KATNAL1: variants seen among roughly 807,000 people sequenced by gnomAD.
The protein encoded by KATNAL1 is katanin p60 ATPase-containing subunit A-like 1.
In KATNAL1, 32 loss-of-function variants were observed where a neutral mutation model predicts 55.2. The ratio of observed to expected loss-of-function variants is 0.58; its 90% confidence interval spans 0.44 to 0.78. KATNAL1 has a LOEUF of 0.78. Ranked by LOEUF, KATNAL1 falls within the 30% of genes least tolerant of loss-of-function variation. The pLI is 0.00. For synonymous variants in KATNAL1, 193 were observed against 193.6 expected (o/e 1.00, Z 0.02); for missense variants, 466 against 600.9 (o/e 0.78, Z 2.35).
At chr13:30,228,173 T>A (rs1875700200) in intron 8 of KATNAL1, among the ~76,000 whole-genome samples, 1 of 152,108 alleles carries the variant, frequency 6.6e-6, no homozygotes, top group South Asian at 2.1e-4. Flanking sequence ...AATTAAAATT[T>A]TAGAATAAAA....
rs1286238711 is a variant in KATNAL1 at position 30,207,034 on chromosome 13, T to A, written c.*1506A>T. 1.3e-5 allele frequency: 2 copies of A among 152,180 alleles called. No homozygotes were observed. Among genetic ancestry groups the A allele is most frequent in the African/African-American group, 4.8e-5 (2 of 41,456 alleles). The allele number at this position is 152,180 out of a possible 1,614,324, so 9.4% of individuals were successfully genotyped here. A position where few individuals can be genotyped will look rare whatever the true frequency, so the allele number is the denominator to read the frequency against. On this transcript the variant is annotated 3_prime_UTR_variant, in exon 11 of 11. Transcript: ENST00000380615. ...TACAGTTTTTAGCAGGGAAAAATAA[T>A]CAAATCTCTTTTTTTAAAAAAAACC...
chr13:30,245,909 A>G (rs763277863), intron 4 of KATNAL1, among the ~76,000 whole-genome samples: 2 of 152,206 alleles, frequency 1.3e-5, no homozygotes, highest in African/African-American at 4.8e-5. Context: ...GACGCAAACT[A>G]ATGGAAAAAC....
intron 1 of KATNAL1, among the ~76,000 whole-genome samples, chr13:30,291,735 A>G (rs1051283389): frequency 6.6e-6 from 1 of 152,162 alleles, no homozygotes; most frequent in Non-Finnish European, 1.5e-5. Context: ...AAAATTTACT[A>G]TAAAGTTACA....
chr13:30,252,032 A>AT (rs2137453784), intron 4 of KATNAL1, among the ~76,000 whole-genome samples: 1 of 152,370 alleles, frequency 6.6e-6, no homozygotes, highest in East Asian at 1.9e-4. Flanking sequence ...ATAAACTCGT[A>AT]TTATTATAAG....
At chr13:30,274,796 G>C (rs1880629357) in intron 3 of KATNAL1, among the ~76,000 whole-genome samples, 1 of 152,104 alleles carries the variant, frequency 6.6e-6, no homozygotes, top group Non-Finnish European at 1.5e-5. Flanking sequence ...TACTGTAATA[G>C]CCAAATATGG....
intron 6 of KATNAL1, among the ~76,000 whole-genome samples, chr13:30,232,990 T>TA (rs1394323394): frequency 6.6e-6 from 1 of 151,996 alleles, no homozygotes; most frequent in African/African-American, 2.4e-5. Context: ...CAAAATAGGT[T>TA]AAAAACCTCA....
chr13:30,241,729 TA>T (rs749175854), intron 4 of KATNAL1, among the ~76,000 whole-genome samples: 18 of 152,244 alleles, frequency 1.2e-4, no homozygotes, highest in Admixed American at 2.6e-4. Flanking sequence ...GTCAATCTCC[TA>T]AACTTCAACC....
At chr13:30,250,230 T>C (rs1878172216) in intron 4 of KATNAL1, among the ~76,000 whole-genome samples, 1 of 152,180 alleles carries the variant, frequency 6.6e-6, no homozygotes, top group South Asian at 2.1e-4. Context: ...AGAAAAGTAA[T>C]GGGGAAAATG....
intron 8 of KATNAL1, among the ~76,000 whole-genome samples, chr13:30,229,492 A>T (rs1046417851): frequency 1.3e-5 from 2 of 152,146 alleles, no homozygotes; most frequent in Non-Finnish European, 2.9e-5. Flanking sequence ...GGCTGAGTCC[A>T]GAGGATCATC....
Position 30,253,967 on chromosome 13 carries a change from G to C in KATNAL1, c.492+1480C>G, listed in dbSNP as rs563065607. 1.3e-3 allele frequency among the ~76,000 whole-genome samples: 194 copies of C among 152,256 alleles called. 4 individuals are homozygous for C. Among genetic ancestry groups the C allele is most frequent in the Non-Finnish European group, 2.9e-4 (20 of 68,016 alleles). On this transcript the variant is annotated intron_variant, in intron 4 of 10. Transcript: ENST00000380615. The stretch of plus-strand genomic sequence containing the variant: ...CACAGTTTCTTCATCTGTAAAGTCG[G>C]GATAGTAAGACACCTACTTCACGGG...
chr13:30,283,284 AAAAAAAAG>A (rs1467982498), intron 2 of KATNAL1, among the ~76,000 whole-genome samples: 14 of 150,038 alleles, frequency 9.3e-5, no homozygotes, highest in African/African-American at 2.2e-4. Context: ...AAAAAAAAAA[AAAAAAAAG>A]GAATGAATGA....
chr13:30,285,569 T>C (rs1254924094), intron 1 of KATNAL1, among the ~76,000 whole-genome samples: 23 of 152,328 alleles, frequency 1.5e-4, no homozygotes, highest in Non-Finnish European at 1.5e-5. Context: ...CTCTTTTCTT[T>C]ATAAATTACC....
chr13:30,299,009 A>G lies in KATNAL1; in HGVS notation c.-15+8322T>C, dbSNP rs139835935. ...ACCTAGAGACAAGGTAGTAAGACTG[A>G]AGAACATTTAAAACAGAAAGAAATG... On this transcript the variant is annotated intron_variant, in intron 1 of 10. Transcript: ENST00000380615. 8.6e-3 allele frequency among the ~76,000 whole-genome samples: 1,308 copies of G among 152,322 alleles called. 11 individuals are homozygous for G. The highest frequency in any genetic ancestry group is 0.014 in the Non-Finnish European group (921 of 68,012).
intron 6 of KATNAL1, 62 bp from the exon 7 acceptor site, chr13:30,231,534 C>T: frequency 3.6e-6 from 4 of 1,107,192 alleles, no homozygotes; most frequent in African/African-American, 1.6e-5. Context: ...TATAAATTAT[C>T]ATCAGCTATT....
chr13:30,273,434 G>A (rs1409857233), intron 3 of KATNAL1, among the ~76,000 whole-genome samples: 2 of 152,152 alleles, frequency 1.3e-5, no homozygotes, highest in African/African-American at 4.8e-5. Flanking sequence ...AAGTAACTTA[G>A]AATCTTTAAG....
intron 2 of KATNAL1, 72 bp from the exon 3 acceptor site, chr13:30,280,295 T>A: frequency 8.3e-7 from 1 of 1,202,908 alleles, no homozygotes; most frequent in Non-Finnish European, 1.1e-6. Context: ...AATAAATTAC[T>A]ATAGAGTGCA....
intron 9 of KATNAL1, among the ~76,000 whole-genome samples, chr13:30,213,723 AC>A (rs1212446318): frequency 3.9e-5 from 6 of 152,032 alleles, no homozygotes; most frequent in Non-Finnish European, 7.4e-5. Context: ...AAATTCAACA[AC>A]CCTTCATGCT....
At chr13:30,237,679 AT>A (rs1462509789) in intron 6 of KATNAL1, among the ~76,000 whole-genome samples, 1 of 152,218 alleles carries the variant, frequency 6.6e-6, no homozygotes, top group Non-Finnish European at 1.5e-5. Context: ...TCAGCCCTGT[AT>A]TTCTAACTTG....
intron 1 of KATNAL1, chr13:30,296,823 AC>A: frequency 2.6e-6 from 1 of 387,814 alleles, no homozygotes. Flanking sequence ...CCCTGTGCTG[AC>A]CCAGGAAAGG....
Sources: gnomAD v4.1 joint callset for allele counts (sites outside exome capture counted in the v4.1 genomes callset) on GRCh38, gnomAD v4.1.1 for gene constraint, MANE v1.5 for transcripts, NCBI Gene and HGNC (gene_info 2026-07-23, HGNC 2026-07-21) for gene names.